Variants in RETREG3 observed in about 807,000 individuals in gnomAD.
RETREG3 encodes the protein reticulophagy regulator family member 3, also known as reticulophagy regulator 3.
Under a neutral mutation model 50.2 loss-of-function variants are expected in RETREG3, and 23 were observed. The observed-to-expected ratio is 0.46, with a 90% CI of 0.33 to 0.65. RETREG3 has a LOEUF of 0.65. Ranked by LOEUF, RETREG3 falls within the 30% of genes least tolerant of loss-of-function variation. The pLI, the probability that RETREG3 is intolerant of heterozygous loss-of-function variation, is 0.02. For synonymous variants in RETREG3, 240 were observed against 234.4 expected, an observed-to-expected ratio of 1.02 and a Z score of -0.22; for missense variants, 546 against 598.0, an observed-to-expected ratio of 0.91 and a Z score of 0.91.
chr17:42,586,428 T>C (rs1164276796), intron 4 of RETREG3: 4 of 423,922 alleles, frequency 9.4e-6, no homozygotes, highest in Non-Finnish European at 8.5e-6. Flanking sequence ...GTGGTGGTTT[T>C]TTAAGTCAAC....
intron 1 of RETREG3, chr17:42,599,129 GC>G (rs1445681173): frequency 6.6e-6 from 1 of 152,156 alleles, no homozygotes; most frequent in Non-Finnish European, 1.5e-5. Flanking sequence ...AAACAGCGAT[GC>G]CATGTGCTGC....
At position 42,595,083 on chromosome 17, in the gene RETREG3, A is replaced by G. The variant is rs1015227896; in HGVS notation, c.240-2921T>C. Among the ~76,000 whole-genome samples the G allele has an allele frequency of 1.1e-4, 16 of 144,104 alleles. No homozygotes were observed. In the Admixed American group the frequency reaches 1.2e-3, roughly 10 times the overall value. 94.5% of individuals were successfully genotyped at this position (144,104 alleles called of 152,430 possible). A position where few individuals can be genotyped will look rare whatever the true frequency, so the allele number is the denominator to read the frequency against. ...CTGGTTGAAGCGATTCTCCTGCCTC[A>G]GCCTCCCGAGTAGCTGGGACTACAT... On this transcript the variant is annotated intron_variant, in intron 1 of 8. Transcript: ENST00000309428.
chr17:42,590,010 G>A (rs904454590), intron 2 of RETREG3, among the ~76,000 whole-genome samples: 4 of 152,124 alleles, frequency 2.6e-5, no homozygotes, highest in Admixed American at 1.3e-4. Context: ...AGACCAGCCT[G>A]GCCAACATGG....
intron 8 of RETREG3, 55 bp downstream of exon 8, chr17:42,582,619 A>G (rs2093111905): frequency 2.5e-6 from 4 of 1,608,106 alleles, no homozygotes; most frequent in Non-Finnish European, 1.7e-6. Context: ...TGTTCAGGGA[A>G]GCTAAGAGGC....
intron 6 of RETREG3, 24 bp downstream of exon 6, chr17:42,585,101 A>G: frequency 6.2e-7 from 1 of 1,608,290 alleles, no homozygotes; most frequent in Non-Finnish European, 8.5e-7. Flanking sequence ...GCGTAAGTGG[A>G]AAGAATGACA....
At chr17:42,608,477 G>C (rs888625594) in intron 1 of RETREG3, among the ~76,000 whole-genome samples, 1 of 152,152 alleles carries the variant, frequency 6.6e-6, no homozygotes, top group Non-Finnish European at 1.5e-5. Context: ...AGGTGGCTTT[G>C]ACACGCGTGT....
chr17:42,606,316 C>T (rs2143434953), intron 1 of RETREG3, among the ~76,000 whole-genome samples: 1 of 152,296 alleles, frequency 6.6e-6, no homozygotes, highest in South Asian at 2.1e-4. Context: ...CTCAACCTCA[C>T]ATTCTGCTTC....
intron 1 of RETREG3, among the ~76,000 whole-genome samples, chr17:42,600,074 A>AC (rs2093155791): frequency 6.6e-6 from 1 of 152,108 alleles, no homozygotes; most frequent in Non-Finnish European, 1.5e-5. Context: ...TTTAAAAAAA[A>AC]AACAACAAAT....
intron 1 of RETREG3, among the ~76,000 whole-genome samples, chr17:42,597,189 T>C (rs567170067): frequency 3.6e-5 from 5 of 139,772 alleles, no homozygotes; most frequent in Non-Finnish European, 7.8e-5. Flanking sequence ...AATCTATTTT[T>C]TCTTTTTTTT....
chr17:42,584,482 T>TA (rs2093116863), intron 6 of RETREG3, among the ~76,000 whole-genome samples: 1 of 152,056 alleles, frequency 6.6e-6, no homozygotes, highest in South Asian at 2.1e-4. Context: ...GAGGCAGCTT[T>TA]TACTAGTGAA....
intron 2 of RETREG3, among the ~76,000 whole-genome samples, chr17:42,589,927 G>A (rs928012896): frequency 5.3e-5 from 8 of 152,142 alleles, no homozygotes; most frequent in Admixed American, 1.3e-4. Context: ...TCGGCTGGGC[G>A]TGGTGGCCCA....
At chr17:42,595,809 G>A (rs1157781698) in intron 1 of RETREG3, among the ~76,000 whole-genome samples, 1 of 150,522 alleles carries the variant, frequency 6.6e-6, no homozygotes, top group Non-Finnish European at 1.5e-5. Context: ...GAGGCAGGAG[G>A]ATTGGTTGGT....
intron 1 of RETREG3, among the ~76,000 whole-genome samples, chr17:42,603,449 C>T (rs138085154): frequency 6.6e-6 from 1 of 152,184 alleles, no homozygotes; most frequent in African/African-American, 2.4e-5. Flanking sequence ...AAAATTAACC[C>T]AACCTATATC....
intron 1 of RETREG3, among the ~76,000 whole-genome samples, chr17:42,596,784 A>T (rs2093146008): frequency 6.6e-6 from 1 of 152,144 alleles, no homozygotes; most frequent in Non-Finnish European, 1.5e-5. Flanking sequence ...CCTGTAAGAG[A>T]ACATTAATAT....
Position 42,609,093 on chromosome 17 carries a change from C to T in RETREG3, c.232G>A (p.Ala78Thr). ...AGGGTCCAGTTCTCTCACCAGAAAG[C>T]CGCGTTCAGCCCCAGGCACCACAGA... ...SALWCLGLNAAFWFFALTSLR... is the reference protein window; with the variant it reads ...SALWCLGLNATFWFFALTSLR... Residue 78 changes from alanine (A) to threonine (T), a missense_variant, in exon 1 of 9, where the codon GCT becomes ACT. Physicochemically the swap from Ala to Thr is moderately conservative, Grantham distance 58. Coordinates refer to ENST00000309428, the MANE Select transcript of RETREG3 (RefSeq NM_178126.4). 6.2e-7 allele frequency: 1 copy of T among 1,605,640 alleles called. No individual in the cohort carries two copies. Among genetic ancestry groups the T allele is most frequent in the Non-Finnish European group, 8.5e-7 (1 of 1,179,686 alleles).
intron 1 of RETREG3, among the ~76,000 whole-genome samples, chr17:42,602,492 T>C (rs188033120): frequency 2.0e-4 from 31 of 152,274 alleles, no homozygotes; most frequent in African/African-American, 6.7e-4. Context: ...CCATACCCAT[T>C]AGTATTCTTT....
chr17:42,601,435 T>C lies in RETREG3; in HGVS notation c.239+7651A>G, dbSNP rs1204655990. On this transcript the variant is annotated intron_variant, in intron 1 of 8. Transcript: ENST00000309428. ...AAAAATACAAAAAATTAGCCGGGAG[T>C]GGTGGTGGGCGCCTGGAGTCCCAGC... is the stretch of plus-strand genomic sequence containing the variant. 2.8e-5 allele frequency among the ~76,000 whole-genome samples: 4 copies of C among 145,172 alleles called. No individual in the cohort carries two copies. The East Asian group carries it at 8.1e-4, about 30-fold the overall frequency.
chr17:42,609,329 C>T lies in RETREG3; in HGVS notation c.-5G>A, dbSNP rs1457809729. 6.3e-7 allele frequency: 1 copy of T among 1,594,306 alleles called. No individual in the cohort carries two copies. Among genetic ancestry groups the T allele is most frequent in the Admixed American group, 1.7e-5 (1 of 59,250 alleles). ...AACCCCTTCGGCCTCAGCCATCTCC[C>T]CGCGGCAGCCACAACATCCGGGGCC... On this transcript the variant is annotated 5_prime_UTR_variant, in exon 1 of 9. Coordinates refer to ENST00000309428, the MANE Select transcript of RETREG3 (RefSeq NM_178126.4).
At chr17:42,607,084 T>C (rs2093169107) in intron 1 of RETREG3, among the ~76,000 whole-genome samples, 2 of 152,184 alleles carry the variant, frequency 1.3e-5, no homozygotes, top group Non-Finnish European at 2.9e-5. Flanking sequence ...GGCCCAGCCT[T>C]CTTGCTAGAG....
Sources: gnomAD v4.1 joint callset for allele counts (sites outside exome capture counted in the v4.1 genomes callset) on GRCh38, gnomAD v4.1.1 for gene constraint, MANE v1.5 for transcripts, NCBI Gene and HGNC (gene_info 2026-07-23, HGNC 2026-07-21) for gene names.